PAFAH1B1: variants seen among roughly 807,000 people sequenced by gnomAD.
PAFAH1B1 encodes platelet-activating factor acetylhydrolase IB subunit beta.
Under a neutral mutation model 57.5 loss-of-function variants are expected in PAFAH1B1, and 2 were observed. The observed-to-expected ratio is 0.03, with a 90% CI of 0.01 to 0.11. The LOEUF is 0.11. Among genes scored for constraint, PAFAH1B1 ranks in the 10% least tolerant of loss-of-function variants. The probability of loss-of-function intolerance (pLI) is 1.00; values close to 1 mark genes in which losing one functional copy is unlikely to be tolerated. For synonymous variants in PAFAH1B1, 152 were observed against 169.6 expected, an observed-to-expected ratio of 0.90 and a Z score of 0.81; for missense variants, 257 against 512.0, an observed-to-expected ratio of 0.50 and a Z score of 4.81.
At chr17:2,636,746 A>G (rs1301406109) in intron 1 of PAFAH1B1, among the ~76,000 whole-genome samples, 2 of 151,800 alleles carry the variant, frequency 1.3e-5, no homozygotes, top group African/African-American at 2.4e-5. Context: ...TTTTTCCTTT[A>G]AAAGAAATTG....
rs2068421993 is a variant in PAFAH1B1 at position 2,621,605 on chromosome 17, G to GTTTTTTTTTTTTTTTTTTT, written c.-190-16493_-190-16492insTTTTTTTTTTTTTTTTTTT. On this transcript the variant is annotated intron_variant, in intron 1 of 10. Coordinates refer to ENST00000397195, the MANE Select transcript of PAFAH1B1 (RefSeq NM_000430.4). ...GCTATTCAAGCATGGTAGATAATCTGTCTTTTTTTTTTTTTTTTTTTTTTT... is the reference window on the plus strand; with the variant it reads ...GCTATTCAAGCATGGTAGATAATCTGTTTTTTTTTTTTTTTTTTTTCTTTTTTTTTTTTTTTTTTTTTTT... Among the ~76,000 whole-genome samples, 11 of 93,208 alleles carry GTTTTTTTTTTTTTTTTTTT rather than the reference G, an allele frequency of 1.2e-4. 3 individuals carry two copies. The highest frequency in any genetic ancestry group is 2.3e-4 in the African/African-American group (5 of 21,296). The allele number at this position is 93,208 out of a possible 152,430, so 61.1% of individuals were successfully genotyped here. A position where few individuals can be genotyped will look rare whatever the true frequency, so the allele number is the denominator to read the frequency against.
At chr17:2,600,816 G>A (rs1221110090) in intron 1 of PAFAH1B1, among the ~76,000 whole-genome samples, 1 of 151,768 alleles carries the variant, frequency 6.6e-6, no homozygotes, top group Non-Finnish European at 1.5e-5. Flanking sequence ...TGCAACCTCC[G>A]CCTCCTGGGT....
At chr17:2,627,751 G>C (rs1425155375) in intron 1 of PAFAH1B1, among the ~76,000 whole-genome samples, 2 of 152,138 alleles carry the variant, frequency 1.3e-5, no homozygotes, top group South Asian at 2.1e-4. Context: ...TGTCATCTCT[G>C]ATTTCTTTTG....
intron 1 of PAFAH1B1, among the ~76,000 whole-genome samples, chr17:2,624,686 C>G (rs569575760): frequency 5.3e-5 from 8 of 152,168 alleles, no homozygotes; most frequent in Admixed American, 6.5e-5. Context: ...CTGGGAGATA[C>G]AAGTCAAGTT....
intron 9 of PAFAH1B1, among the ~76,000 whole-genome samples, chr17:2,678,544 C>G (rs1271688415): frequency 6.6e-6 from 1 of 151,600 alleles, no homozygotes; most frequent in African/African-American, 2.4e-5. Context: ...CCATCCTGGG[C>G]AGTGAAGTAA....
Position 2,612,448 on chromosome 17 carries a change from T to C in PAFAH1B1, c.-191+18442T>C, listed in dbSNP as rs147591493. Reference sequence around the variant, plus strand: ...GTCTCAAACTACCGACCTCAGGTGATCTGCCCGCCTCAGCCTCCCAAAGTG... The same window carrying C: ...GTCTCAAACTACCGACCTCAGGTGACCTGCCCGCCTCAGCCTCCCAAAGTG... On this transcript the variant is annotated intron_variant, in intron 1 of 10. Coordinates refer to ENST00000397195, the MANE Select transcript of PAFAH1B1 (RefSeq NM_000430.4). Among the ~76,000 whole-genome samples the C allele has an allele frequency of 2.2e-3, 337 of 152,152 alleles. 5 individuals are homozygous for C. The highest frequency in any genetic ancestry group is 7.6e-3 in the African/African-American group (314 of 41,498).
chr17:2,623,301 A>C (rs1350263605), intron 1 of PAFAH1B1, among the ~76,000 whole-genome samples: 1 of 114,740 alleles, frequency 8.7e-6, no homozygotes, highest in Non-Finnish European at 1.6e-5. Context: ...AGGGAGTCTC[A>C]CTCTGTCGCC....
intron 7 of PAFAH1B1, 45 bp from the exon 8 acceptor site, chr17:2,674,015 C>T (rs1321377255): frequency 7.3e-7 from 1 of 1,372,606 alleles, no homozygotes; most frequent in South Asian, 1.2e-5. Flanking sequence ...GGGAAGTGTC[C>T]TGATGATTGT....
At chr17:2,675,650 A>T (rs963017572) in intron 8 of PAFAH1B1, among the ~76,000 whole-genome samples, 17 of 131,386 alleles carry the variant, frequency 1.3e-4, no homozygotes, top group Non-Finnish European at 1.9e-4. Flanking sequence ...TTTTTTTTTT[A>T]AACTCACCAC....
At chr17:2,649,683 A>G (rs2068822907) in intron 2 of PAFAH1B1, among the ~76,000 whole-genome samples, 1 of 152,234 alleles carries the variant, frequency 6.6e-6, no homozygotes, top group Non-Finnish European at 1.5e-5. Context: ...AACTCTTAAA[A>G]TAATAAAATT....
chr17:2,611,479 A>T lies in PAFAH1B1; in HGVS notation c.-191+17473A>T, dbSNP rs112626587. Among the ~76,000 whole-genome samples, 882 of 151,930 alleles carry T rather than the reference A, an allele frequency of 5.8e-3. 5 individuals carry two copies. Among genetic ancestry groups the T allele is most frequent in the Middle Eastern group, 0.01 (3 of 294 alleles). On this transcript the variant is annotated intron_variant, in intron 1 of 10. Coordinates refer to ENST00000397195, the MANE Select transcript of PAFAH1B1 (RefSeq NM_000430.4). ...CAAGACTCCGTCTCGGGGCAAAAAA[A>T]AAAAATAAAAAAAGAAAGAAATACA...
intron 1 of PAFAH1B1, among the ~76,000 whole-genome samples, chr17:2,612,976 G>A (rs549931136): frequency 7.2e-5 from 10 of 139,126 alleles, no homozygotes; most frequent in South Asian, 4.5e-4. Flanking sequence ...TTTAGTGGTC[G>A]AAAAATCAAA....
At chr17:2,597,299 G>GT (rs2068093827) in intron 1 of PAFAH1B1, among the ~76,000 whole-genome samples, 2 of 149,176 alleles carry the variant, frequency 1.3e-5, no homozygotes, top group Non-Finnish European at 3.0e-5. Context: ...TTTGTTACCT[G>GT]TTTTTCCAGA....
rs772312098 is a variant in PAFAH1B1 at position 2,638,333 on chromosome 17, G to T, written c.32+13G>T. 1 of 1,611,306 alleles carries T rather than the reference G, an allele frequency of 6.2e-7. No individual in the cohort carries two copies. The highest frequency in any genetic ancestry group is 8.5e-7 in the Non-Finnish European group (1 of 1,178,080). ...AACGAGATGAACTGTAAGTTTCTTT[G>T]TTTTGTGCTTTAAAAAAAATCTCCC... On this transcript the variant is annotated intron_variant, in intron 2 of 10. Transcript: ENST00000397195.
At chr17:2,670,646 G>A (rs900423347) in intron 6 of PAFAH1B1, among the ~76,000 whole-genome samples, 3 of 152,118 alleles carry the variant, frequency 2.0e-5, no homozygotes, top group Non-Finnish European at 4.4e-5. Flanking sequence ...TGTTAGTTGG[G>A]AAACTGAAGT....
Position 2,681,996 on chromosome 17 carries a change from C to A in PAFAH1B1, c.*194C>A. On this transcript the variant is annotated 3_prime_UTR_variant, in exon 11 of 11. Transcript: ENST00000397195. The stretch of plus-strand genomic sequence containing the variant: ...ATCCAAATTGTATACTGTAAATTTA[C>A]ATACGTTGTCTAGAAGTACCATAGG... 1.8e-6 allele frequency: 1 copy of A among 559,530 alleles called. No individual in the cohort carries two copies. The highest frequency in any genetic ancestry group is 3.2e-6 in the Non-Finnish European group (1 of 315,368). 34.7% of individuals were successfully genotyped at this position (559,530 alleles called of 1,614,324 possible).
At chr17:2,667,396 T>C (rs945606269) in intron 5 of PAFAH1B1, 198 bp downstream of exon 5, 23 of 539,444 alleles carry the variant, frequency 4.3e-5, no homozygotes, top group Non-Finnish European at 7.3e-5. Flanking sequence ...TGAGGGCCTA[T>C]GAAGAGGGAC....
At chr17:2,609,885 C>T (rs1484792229) in intron 1 of PAFAH1B1, among the ~76,000 whole-genome samples, 7 of 152,160 alleles carry the variant, frequency 4.6e-5, no homozygotes, top group Non-Finnish European at 1.0e-4. Context: ...AGTGCAGTGG[C>T]ACGATCTCGG....
intron 1 of PAFAH1B1, among the ~76,000 whole-genome samples, chr17:2,636,585 G>C (rs995351527): frequency 1.3e-5 from 2 of 152,110 alleles, no homozygotes; most frequent in African/African-American, 4.8e-5. Context: ...TTTTAGTAGA[G>C]ACGAGATTTC....
Sources: gnomAD v4.1 joint callset for allele counts (sites outside exome capture counted in the v4.1 genomes callset) on GRCh38, gnomAD v4.1.1 for gene constraint, MANE v1.5 for transcripts, NCBI Gene and HGNC (gene_info 2026-07-23, HGNC 2026-07-21) for gene names.